The following GDNF variants were observed in gnomAD, a reference collection of about 807,000 sequenced individuals.
GDNF encodes glial cell derived neurotrophic factor.
In GDNF, 5 loss-of-function variants were observed where a neutral mutation model predicts 13.7. The ratio of observed to expected loss-of-function variants is 0.36; its 90% CI spans 0.19 to 0.77. The LOEUF (loss-of-function observed/expected upper bound fraction) is 0.77. GDNF is among the 30% of genes least tolerant of loss of function. GDNF has a pLI of 0.51. For synonymous variants in GDNF, 122 were observed against 112.5 expected, an observed-to-expected ratio of 1.08 and a Z score of -0.53; for missense variants, 246 against 274.3, an observed-to-expected ratio of 0.90 and a Z score of 0.73.
At chr5:37,831,891 A>G (rs1215652540) in intron 2 of GDNF, among the ~76,000 whole-genome samples, 1 of 152,250 alleles carries the variant, frequency 6.6e-6, no homozygotes, top group Non-Finnish European at 1.5e-5. Flanking sequence ...GGTACCCCAA[A>G]AGTCAAATCA....
At position 37,826,331 on chromosome 5, in the gene GDNF, C is replaced by G. The variant is rs561556616; in HGVS notation, c.151+8315G>C. Among the ~76,000 whole-genome samples the G allele has an allele frequency of 2.0e-5, 3 of 152,340 alleles. No individual in the cohort carries two copies. In the South Asian group the frequency reaches 6.2e-4, roughly 32 times the overall value. Reference sequence around the variant, plus strand: ...TATCACATCTGGGATCCTCCTTCAGCAATATTTGCACAGAAGGCAGCAGTG... The same window carrying G: ...TATCACATCTGGGATCCTCCTTCAGGAATATTTGCACAGAAGGCAGCAGTG... On this transcript the variant is annotated intron_variant, in intron 2 of 2. Transcript: ENST00000326524.
rs912077679 is a variant in GDNF at position 37,813,305 on chromosome 5, T to G, written c.*2346A>C. ...GATCAGATGTCTGGTAACTGCTGCT[T>G]CTTGTTACTATGATTATTTGATGGA... On this transcript the variant is annotated 3_prime_UTR_variant, in exon 3 of 3. Transcript: ENST00000326524. The G allele has an allele frequency of 1.3e-5, 2 of 152,250 alleles. No individual in the cohort carries two copies. Among genetic ancestry groups the G allele is most frequent in the African/African-American group, 4.8e-5 (2 of 41,458 alleles). 9.4% of individuals were successfully genotyped at this position (152,250 alleles called of 1,614,324 possible). A position where few individuals can be genotyped will look rare whatever the true frequency, so the allele number is the denominator to read the frequency against.
In GDNF at chr5:37,819,429, G is replaced by A. The variant is rs369549504; in HGVS notation, c.152-3294C>T. Among the ~76,000 whole-genome samples the A allele has an allele frequency of 1.9e-4, 28 of 151,168 alleles. No homozygotes were observed. In the East Asian group the frequency reaches 4.3e-3, roughly 23 times the overall value. The stretch of plus-strand genomic sequence containing the variant: ...AGTAATGCTTTCTTAAGGGGGCCCA[G>A]GGAAGTGCTCTTTTCTTTTTTTTTT... On this transcript the variant is annotated intron_variant, in intron 2 of 2. Transcript: ENST00000326524.
chr5:37,819,444 CTTTTTTTTTTTT>C (rs529362873), intron 2 of GDNF, among the ~76,000 whole-genome samples: 2 of 126,208 alleles, frequency 1.6e-5, no homozygotes, highest in African/African-American at 6.0e-5. Flanking sequence ...GTGCTCTTTT[CTTTTTTTTTTTT>C]TTTTTTTGTT....
At chr5:37,825,131 C>T (rs898368853) in intron 2 of GDNF, among the ~76,000 whole-genome samples, 1 of 152,196 alleles carries the variant, frequency 6.6e-6, no homozygotes, top group Admixed American at 6.5e-5. Flanking sequence ...TGACATTGCA[C>T]ATACTAGTTG....
chr5:37,834,114 T>C (rs1284003817), intron 2 of GDNF, among the ~76,000 whole-genome samples: 1 of 152,258 alleles, frequency 6.6e-6, no homozygotes, highest in Non-Finnish European at 1.5e-5. Context: ...GATTTGACAT[T>C]ACCCAGACGC....
At chr5:37,835,609 A>G in intron 1 of GDNF, 2 of 1,538,664 alleles carry the variant, frequency 1.3e-6, no homozygotes, top group Non-Finnish European at 1.8e-6. Flanking sequence ...CGGAACATGT[A>G]GTAAGAGCTC....
intron 2 of GDNF, among the ~76,000 whole-genome samples, chr5:37,819,025 C>G (rs1750028758): frequency 6.6e-6 from 1 of 152,144 alleles, no homozygotes; most frequent in South Asian, 2.1e-4. Flanking sequence ...AAAAGAATGT[C>G]AACTCCAAGA....
chr5:37,825,494 A>T (rs1191788197), intron 2 of GDNF, among the ~76,000 whole-genome samples: 1 of 152,182 alleles, frequency 6.6e-6, no homozygotes, highest in African/African-American at 2.4e-5. Flanking sequence ...GGTAATAAAC[A>T]CCACAAGCTA....
intron 2 of GDNF, among the ~76,000 whole-genome samples, chr5:37,816,850 A>G (rs984235102): frequency 1.3e-5 from 2 of 152,258 alleles, no homozygotes; most frequent in Non-Finnish European, 2.9e-5. Flanking sequence ...GAATGCAACT[A>G]TAGTTTAAAA....
Position 37,834,724 on chromosome 5 carries a change from CGGCGGGCAGCGGGAA to C in GDNF, c.58_72del (p.Phe20_Ala24del). The C allele has an allele frequency of 3.1e-6, 5 of 1,611,398 alleles. No individual in the cohort carries two copies. Among genetic ancestry groups the C allele is most frequent in the Non-Finnish European group, 4.2e-6 (5 of 1,179,136 alleles). On this transcript the variant is annotated inframe_deletion, in exon 2 of 3. Coordinates refer to ENST00000326524, the MANE Select transcript of GDNF (RefSeq NM_000514.4). ...GCGGGCGCCTCGGGAGGCCTCTTAC[CGGCGGGCAGCGGGAA>C]GGCGGACGCGGTGTGGAGCAGCACC...
rs541105752 is a variant in GDNF, at chr5:37,838,911, G to A, written c.-27+596C>T. Among the ~76,000 whole-genome samples, 1 of 152,202 alleles carries A rather than the reference G, an allele frequency of 6.6e-6. No homozygotes were observed. Among genetic ancestry groups the A allele is most frequent in the Non-Finnish European group, 1.5e-5 (1 of 68,038 alleles). On this transcript the variant is annotated intron_variant, in intron 1 of 2. Transcript: ENST00000326524. This position sits in a 1 kb window ranked among gnomAD's most constrained non-coding sequence, Gnocchi z 4.1. ...CTCCTAACCTCGACGGGGATGGTTA[G>A]TTGGGGTGGAGGGCGTTAGGAACGT...
chr5:37,830,287 T>C (rs547635170), intron 2 of GDNF, among the ~76,000 whole-genome samples: 3 of 152,334 alleles, frequency 2.0e-5, no homozygotes, highest in Admixed American at 2.0e-4. Flanking sequence ...CATAGAAAGA[T>C]CCTACCCTGC....
chr5:37,835,467 G>A (rs760733231), intron 1 of GDNF: 35 of 1,462,460 alleles, frequency 2.4e-5, no homozygotes, highest in Non-Finnish European at 3.2e-5. Flanking sequence ...AGTTAGCAGG[G>A]ACTTGGAGAC....
intron 1 of GDNF, chr5:37,835,794 C>A (rs1750683840): frequency 2.6e-6 from 2 of 755,378 alleles, no homozygotes; most frequent in Non-Finnish European, 4.7e-6. Flanking sequence ...CCCCGTCACG[C>A]CTGGACGACT....
Position 37,815,720 on chromosome 5 carries a change from C to T in GDNF, c.567G>A (p.Ser189=), listed in dbSNP as rs116132124. ...CRPIAFDDDL[S]FLDDNLVYHI... is the part of the protein sequence containing the mutation. The stretch of plus-strand genomic sequence containing the variant: ...GGTAAACCAGGTTATCATCTAAAAA[C>T]GACAGGTCATCATCAAAGGCGATGG... Residue 189 remains serine, a synonymous_variant, in exon 3 of 3, where the codon TCG becomes TCA. Coordinates refer to ENST00000326524, the MANE Select transcript of GDNF (RefSeq NM_000514.4). The surrounding 1 kb of genome is among the most constrained non-coding windows in gnomAD (Gnocchi z 5.0). 2.4e-5 allele frequency: 39 copies of T among 1,613,708 alleles called. No homozygotes were observed. The highest frequency in any genetic ancestry group is 4.5e-5 in the East Asian group (2 of 44,896).
intron 2 of GDNF, among the ~76,000 whole-genome samples, chr5:37,824,682 A>G (rs12521946): frequency 4.6e-5 from 7 of 152,044 alleles, no homozygotes; most frequent in Admixed American, 4.6e-4. Flanking sequence ...ATCTTACATT[A>G]TGTAATGACC....
At chr5:37,830,776 C>T (rs1307735141) in intron 2 of GDNF, among the ~76,000 whole-genome samples, 1 of 152,214 alleles carries the variant, frequency 6.6e-6, no homozygotes, top group Non-Finnish European at 1.5e-5. Flanking sequence ...GCCTATTTTA[C>T]AGGGAAGAAA....
rs866094470 is a variant in GDNF, at chr5:37,832,077, C to T, written c.151+2569G>A. ...GATGTTTTATTTACATTGGAACCAG[C>T]GGAACACATGCAATCTTAAAGGTGA... is the stretch of plus-strand genomic sequence containing the variant. On this transcript the variant is annotated intron_variant, in intron 2 of 2. Transcript: ENST00000326524. Among the ~76,000 whole-genome samples, 6 of 152,278 alleles carry T rather than the reference C, an allele frequency of 3.9e-5. 1 individual carries two copies. The highest frequency in any genetic ancestry group is 4.2e-4 in the South Asian group (2 of 4,818).
Sources: allele counts gnomAD v4.1 joint callset (sites outside exome capture counted in the v4.1 genomes callset), GRCh38; gene constraint gnomAD v4.1.1; non-coding constraint Gnocchi (gnomAD v3.1); transcripts MANE v1.5; gene names NCBI Gene and HGNC (gene_info 2026-07-23, HGNC 2026-07-21).